The following NT5E variants were observed in gnomAD, a reference collection of about 807,000 sequenced individuals.
The protein encoded by NT5E is 5'-nucleotidase.
NT5E carries 53 observed loss-of-function variants against 55.1 expected under a neutral mutation model. The observed-to-expected ratio is 0.96, with a 90% CI of 0.77 to 1.21. NT5E has a LOEUF of 1.21. NT5E is among the 50% of genes most tolerant of loss of function. The pLI is 0.00. For synonymous variants in NT5E, 270 were observed against 278.4 expected, an observed-to-expected ratio of 0.97 and a Z score of 0.30; for missense variants, 683 against 724.3, an observed-to-expected ratio of 0.94 and a Z score of 0.65.
intron 3 of NT5E, 41 bp downstream of exon 3, chr6:85,471,466 A>T: frequency 6.4e-7 from 1 of 1,567,558 alleles, no homozygotes; most frequent in Non-Finnish European, 8.8e-7. Flanking sequence ...GGATGTCCAG[A>T]TAAGCACTGT....
rs1187323936 is a variant in NT5E, at chr6:85,485,120, A to C, written c.752-115A>C. The stretch of plus-strand genomic sequence containing the variant: ...TCTGAAAGACTAGCTATGTAGAGCA[A>C]CAGATGGCAAATCATCAATTTAAAA... On this transcript the variant is annotated intron_variant, in intron 3 of 8. Transcript: ENST00000257770. 12 of 988,212 alleles carry C rather than the reference A, an allele frequency of 1.2e-5. No homozygotes were observed. In the Admixed American group the frequency reaches 1.6e-4, roughly 13 times the overall value. The allele number at this position is 988,212 out of a possible 1,614,324, so 61.2% of individuals were successfully genotyped here.
chr6:85,476,087 C>T (rs1358212399), intron 3 of NT5E, among the ~76,000 whole-genome samples: 1 of 152,142 alleles, frequency 6.6e-6, no homozygotes, highest in African/African-American at 2.4e-5. Context: ...ATTTAGTATC[C>T]AATTTCCTAT....
chr6:85,489,415 A>T, intron 5 of NT5E, 79 bp from the exon 6 acceptor site: 1 of 986,608 alleles, frequency 1.0e-6, no homozygotes, highest in Non-Finnish European at 1.6e-6. Flanking sequence ...TTTCCTCACT[A>T]GAGCTAACCA....
At chr6:85,480,370 T>A (rs1562142630) in intron 3 of NT5E, among the ~76,000 whole-genome samples, 1 of 152,216 alleles carries the variant, frequency 6.6e-6, no homozygotes, top group East Asian at 1.9e-4. Flanking sequence ...TAGATAACAG[T>A]ACCTGACCCC....
intron 1 of NT5E, among the ~76,000 whole-genome samples, chr6:85,460,897 C>T (rs1320668406): frequency 6.6e-6 from 1 of 152,188 alleles, no homozygotes; most frequent in Non-Finnish European, 1.5e-5. Context: ...CCTGCATTGT[C>T]TGCAGGAGGA....
At chr6:85,467,388 A>G (rs1769218348) in intron 2 of NT5E, 106 bp downstream of exon 2, 1 of 891,696 alleles carries the variant, frequency 1.1e-6, no homozygotes, top group Admixed American at 2.0e-5. Context: ...AACTGGGTAA[A>G]TAGTGCACTA....
rs751997781 is a variant in NT5E, at chr6:85,485,327, G to T, written c.844G>T (p.Ala282Ser). The T allele has an allele frequency of 1.2e-6, 2 of 1,614,146 alleles. No individual in the cohort carries two copies. Among genetic ancestry groups the T allele is most frequent in the Non-Finnish European group, 1.7e-6 (2 of 1,180,010 alleles). Reference sequence around the variant, plus strand: ...GAAGGTTCCTGTAGTCCAGGCCTATGCTTTTGGCAAATACCTAGGCTATCT... The same window carrying T: ...GAAGGTTCCTGTAGTCCAGGCCTATTCTTTTGGCAAATACCTAGGCTATCT... ...GRKVPVVQAY[A>S]FGKYLGYLKI... The change falls in exon 4 of 9, where the codon GCT becomes TCT. Residue 282 changes from alanine to serine, a missense_variant. By Grantham distance (99) the Ala-to-Ser change is moderately conservative. Coordinates refer to ENST00000257770, the MANE Select transcript of NT5E (RefSeq NM_002526.4).
At position 85,491,993 on chromosome 6, in the gene NT5E, T is replaced by C; in HGVS notation, c.1377T>C (p.Tyr459=). The C allele has an allele frequency of 6.2e-7, 1 of 1,613,810 alleles. No individual in the cohort carries two copies. Among genetic ancestry groups the C allele is most frequent in the Non-Finnish European group, 8.5e-7 (1 of 1,179,662 alleles). The part of the protein sequence containing the change: ...FLQVGGIHVV[Y]DLSRKPGDRV... ...CTTTTCTAGGAATCCATGTGGTGTA[T>C]GATCTTTCCCGAAAACCTGGAGACA... The change falls in exon 8 of 9, where the codon TAT becomes TAC. Residue 459 remains tyrosine, a synonymous_variant. Coordinates refer to ENST00000257770, the MANE Select transcript of NT5E (RefSeq NM_002526.4).
intron 1 of NT5E, among the ~76,000 whole-genome samples, chr6:85,451,084 A>G (rs752518677): frequency 3.7e-4 from 57 of 152,324 alleles, no homozygotes; most frequent in Middle Eastern, 3.4e-3. Flanking sequence ...TTCTTGCCTC[A>G]GTTCTATCCT....
chr6:85,483,583 T>A (rs1769591021), intron 3 of NT5E, among the ~76,000 whole-genome samples: 1 of 152,374 alleles, frequency 6.6e-6, no homozygotes, highest in Non-Finnish European at 1.5e-5. Context: ...TTTCTTTTTT[T>A]TCCCCAGTGA....
chr6:85,489,684 C>T, intron 6 of NT5E, 85 bp downstream of exon 6: 2 of 918,564 alleles, frequency 2.2e-6, no homozygotes, highest in South Asian at 2.8e-5. Flanking sequence ...TGAACACACC[C>T]ATGTGCAGCC....
At chr6:85,456,208 T>A (rs1258611204) in intron 1 of NT5E, among the ~76,000 whole-genome samples, 1 of 152,168 alleles carries the variant, frequency 6.6e-6, no homozygotes, top group Non-Finnish European at 1.5e-5. Flanking sequence ...GGGAAGGTGG[T>A]GCACATGGAG....
At chr6:85,483,135 G>A (rs1769581897) in intron 3 of NT5E, among the ~76,000 whole-genome samples, 1 of 152,194 alleles carries the variant, frequency 6.6e-6, no homozygotes, top group African/African-American at 2.4e-5. Flanking sequence ...TTTAAGCTCA[G>A]ATATTTCTAC....
At chr6:85,482,521 A>G (rs566138707) in intron 3 of NT5E, among the ~76,000 whole-genome samples, 9 of 152,330 alleles carry the variant, frequency 5.9e-5, no homozygotes, top group African/African-American at 2.2e-4. Context: ...TAGGTTCACC[A>G]CAGTCCTTGG....
chr6:85,485,173 G>A, intron 3 of NT5E, 62 bp from the exon 4 acceptor site: 1 of 1,531,564 alleles, frequency 6.5e-7, no homozygotes, highest in Non-Finnish European at 9.0e-7. Flanking sequence ...TAGCCCGCTG[G>A]CCTACAGCCA....
chr6:85,484,428 C>T (rs73751215), intron 3 of NT5E, among the ~76,000 whole-genome samples: 19,600 of 152,122 alleles, frequency 0.13, 1,451 homozygotes, highest in African/African-American at 0.21. Context: ...CTCCACTACT[C>T]CAGGCAGTGG....
chr6:85,451,238 G>GAGAA (rs560421690), intron 1 of NT5E, among the ~76,000 whole-genome samples: 5 of 151,886 alleles, frequency 3.3e-5, no homozygotes, highest in Non-Finnish European at 7.4e-5. Flanking sequence ...AAGAAAGAAA[G>GAGAA]AGAAAGAAAG....
chr6:85,469,013 C>A (rs963677679), intron 2 of NT5E, among the ~76,000 whole-genome samples: 1 of 152,210 alleles, frequency 6.6e-6, no homozygotes. Context: ...ACAGGCCCAG[C>A]GGCCTGGTGT....
chr6:85,487,397 G>T lies in NT5E; in HGVS notation c.1012G>T (p.Glu338Ter), dbSNP rs746954359. 3 of 1,613,754 alleles carry T rather than the reference G, an allele frequency of 1.9e-6. No individual in the cohort carries two copies. Among genetic ancestry groups the T allele is most frequent in the Non-Finnish European group, 2.5e-6 (3 of 1,179,680 alleles). Residue 338 changes from glutamate (E) to a stop codon, truncating the protein, a stop_gained, in exon 5 of 9, where the codon GAA becomes TAA. Coordinates refer to ENST00000257770, the MANE Select transcript of NT5E (RefSeq NM_002526.4). LOFTEE classifies it high-confidence loss of function. The part of the protein sequence containing the change: ...RIKLDNYSTQ[E>*]LGKTIVYLDG... ...AAAATTGGATAATTATTCTACCCAG[G>T]AATTAGGGAAAACAATTGTCTATCT...
Sources: gnomAD v4.1 joint callset for allele counts (sites outside exome capture counted in the v4.1 genomes callset) on GRCh38, gnomAD v4.1.1 for gene constraint, MANE v1.5 for transcripts, NCBI Gene and HGNC (gene_info 2026-07-23, HGNC 2026-07-21) for gene names.